Variants in VANGL1 observed in about 807,000 individuals in gnomAD.
VANGL1 encodes VANGL planar cell polarity protein 1, also known as vang-like protein 1.
Under a neutral mutation model 48.4 loss-of-function variants are expected in VANGL1, and 18 were observed. The ratio of observed to expected loss-of-function variants is 0.37; its 90% CI spans 0.26 to 0.55. VANGL1 has a LOEUF of 0.55. Among genes scored for constraint, VANGL1 ranks in the 20% least tolerant of loss-of-function variants. The probability of loss-of-function intolerance (pLI) is 0.81; values close to 1 mark genes in which losing one functional copy is unlikely to be tolerated. For synonymous variants in VANGL1, 257 were observed against 261.8 expected, an observed-to-expected ratio of 0.98 and a Z score of 0.18; for missense variants, 667 against 675.8, an observed-to-expected ratio of 0.99 and a Z score of 0.14.
At position 115,680,915 on chromosome 1, in the gene VANGL1, G is replaced by A. The variant is rs978636080; in HGVS notation, c.813-1449G>A. Among the ~76,000 whole-genome samples, 9 of 152,222 alleles carry A rather than the reference G, an allele frequency of 5.9e-5. No homozygotes were observed. In the South Asian group the frequency reaches 1.9e-3, roughly 31 times the overall value. ...TCCTTGTAAGCCGATCTGCTTAGCA[G>A]AGTACTAGAAAGGAAAATCCAAAGG... On this transcript the variant is annotated intron_variant, in intron 4 of 7. Coordinates refer to ENST00000355485, the MANE Select transcript of VANGL1 (RefSeq NM_138959.3).
At chr1:115,676,996 A>G (rs919664082) in intron 4 of VANGL1, among the ~76,000 whole-genome samples, 2 of 152,238 alleles carry the variant, frequency 1.3e-5, no homozygotes, top group Admixed American at 6.5e-5. Flanking sequence ...AATGAGTGAG[A>G]GAGCCTGGAG....
chr1:115,685,140 C>T (rs1653548344), intron 6 of VANGL1, among the ~76,000 whole-genome samples, 153 bp from the exon 7 acceptor site: 1 of 152,120 alleles, frequency 6.6e-6, no homozygotes. Flanking sequence ...CCTCCCTCTC[C>T]ACTCTCTGAG....
At chr1:115,682,233 C>A in intron 4 of VANGL1, 131 bp from the exon 5 acceptor site, 1 of 1,287,126 alleles carries the variant, frequency 7.8e-7, no homozygotes, top group South Asian at 1.3e-5. Flanking sequence ...TGTGGTGGAA[C>A]CCAGTGGACT....
chr1:115,688,029 CATAG>C (rs150000990), intron 7 of VANGL1, among the ~76,000 whole-genome samples: 3,222 of 135,168 alleles, frequency 0.024, 595 homozygotes, highest in Non-Finnish European at 0.033. Context: ...TAGATATATA[CATAG>C]ATAGATAGAT....
intron 1 of VANGL1, among the ~76,000 whole-genome samples, chr1:115,649,732 C>T (rs1338195239): frequency 2.0e-5 from 3 of 152,166 alleles, no homozygotes; most frequent in Non-Finnish European, 4.4e-5. Flanking sequence ...GAGTAAAACC[C>T]GAGATTGGAA....
chr1:115,674,522 T>G (rs1229072111), intron 4 of VANGL1, among the ~76,000 whole-genome samples: 1 of 152,228 alleles, frequency 6.6e-6, no homozygotes, highest in Non-Finnish European at 1.5e-5. Context: ...AAGGAGATCT[T>G]TGCAGATTTT....
chr1:115,691,469 T>G lies in VANGL1; in HGVS notation c.*90T>G, dbSNP rs2101040946. ...CCAGAGGGGTGTCTTTTTTAAAAAT[T>G]CTTCTTCATTGCTGACTGAAACTGG... On this transcript the variant is annotated 3_prime_UTR_variant, in exon 8 of 8. Transcript: ENST00000355485. The G allele has an allele frequency of 1.4e-6, 2 of 1,381,842 alleles. No homozygotes were observed. Among genetic ancestry groups the G allele is most frequent in the Non-Finnish European group, 1.9e-6 (2 of 1,029,724 alleles). 85.6% of individuals were successfully genotyped at this position (1,381,842 alleles called of 1,614,324 possible). A position where few individuals can be genotyped will look rare whatever the true frequency, so the allele number is the denominator to read the frequency against.
chr1:115,646,543 T>C (rs1301652900), intron 1 of VANGL1, among the ~76,000 whole-genome samples: 1 of 119,394 alleles, frequency 8.4e-6, no homozygotes, highest in Non-Finnish European at 1.6e-5. Flanking sequence ...CTATCTAATA[T>C]CTGCATCTTT....
intron 2 of VANGL1, among the ~76,000 whole-genome samples, chr1:115,655,405 G>T (rs1652306935): frequency 6.6e-6 from 1 of 152,228 alleles, no homozygotes; most frequent in Admixed American, 6.5e-5. Context: ...CTAAACAGAT[G>T]CATTTGCTCA....
intron 6 of VANGL1, 49 bp from the exon 7 acceptor site, chr1:115,685,244 C>T: frequency 6.2e-7 from 1 of 1,602,956 alleles, no homozygotes; most frequent in Non-Finnish European, 8.5e-7. Flanking sequence ...TGTTCTCACA[C>T]CCTGTGGCAG....
intron 4 of VANGL1, among the ~76,000 whole-genome samples, chr1:115,667,539 C>T (rs1002356083): frequency 1.3e-5 from 2 of 152,190 alleles, no homozygotes; most frequent in African/African-American, 4.8e-5. Flanking sequence ...GGTGTCCCCT[C>T]TTACAGTTGA....
At position 115,667,761 on chromosome 1, in the gene VANGL1, T is replaced by G. The variant is rs368858773; in HGVS notation, c.812+3493T>G. Among the ~76,000 whole-genome samples, 18 of 152,336 alleles carry G rather than the reference T, an allele frequency of 1.2e-4. No homozygotes were observed. The East Asian group carries it at 3.5e-3, about 29-fold the overall frequency. On this transcript the variant is annotated intron_variant, in intron 4 of 7. Coordinates refer to ENST00000355485, the MANE Select transcript of VANGL1 (RefSeq NM_138959.3). ...ACTTTTCCAGGATGTTACCAGAGACTAATGACTGTTGATATGACTTTATTT... is the reference window on the plus strand; with the variant it reads ...ACTTTTCCAGGATGTTACCAGAGACGAATGACTGTTGATATGACTTTATTT...
At chr1:115,646,637 A>G (rs1651925792) in intron 1 of VANGL1, among the ~76,000 whole-genome samples, 1 of 151,788 alleles carries the variant, frequency 6.6e-6, no homozygotes, top group Non-Finnish European at 1.5e-5. Context: ...CTCATGTCCT[A>G]AGATCTGCCA....
At chr1:115,642,677 C>A (rs1460043663) in intron 1 of VANGL1, 3 of 152,122 alleles carry the variant, frequency 2.0e-5, no homozygotes, top group Admixed American at 6.5e-5. Context: ...GGGGCGAGTC[C>A]GGTTGCGCCT....
chr1:115,662,560 A>G (rs1001072716), intron 3 of VANGL1, among the ~76,000 whole-genome samples: 1 of 152,238 alleles, frequency 6.6e-6, no homozygotes, highest in African/African-American at 2.4e-5. Flanking sequence ...CTAGAAGTTT[A>G]AAAAGAGAGG....
chr1:115,670,718 GTGGTTT>G (rs1652944375), intron 4 of VANGL1, among the ~76,000 whole-genome samples: 1 of 152,220 alleles, frequency 6.6e-6, no homozygotes, highest in South Asian at 2.1e-4. Context: ...ATGACCATCA[GTGGTTT>G]TGGCTCATGT....
At chr1:115,683,727 T>C (rs1161408235) in intron 5 of VANGL1, among the ~76,000 whole-genome samples, 1 of 152,176 alleles carries the variant, frequency 6.6e-6, no homozygotes, top group African/African-American at 2.4e-5. Flanking sequence ...ACTGACCAGA[T>C]TGGGGTTTAG....
At chr1:115,675,968 G>A (rs530506600) in intron 4 of VANGL1, among the ~76,000 whole-genome samples, 1 of 152,088 alleles carries the variant, frequency 6.6e-6, no homozygotes, top group African/African-American at 2.4e-5. Context: ...GTGGCTAGGA[G>A]CTGTGTGTAT....
At chr1:115,658,804 TTG>T (rs1652437401) in intron 2 of VANGL1, among the ~76,000 whole-genome samples, 1 of 152,156 alleles carries the variant, frequency 6.6e-6, no homozygotes, top group South Asian at 2.1e-4. Flanking sequence ...TGGCCAGTGA[TTG>T]GTTCATTTTG....
Sources: allele counts gnomAD v4.1 joint callset (sites outside exome capture counted in the v4.1 genomes callset), GRCh38; gene constraint gnomAD v4.1.1; transcripts MANE v1.5; gene names NCBI Gene and HGNC (gene_info 2026-07-23, HGNC 2026-07-21).